Variants in TET3 observed in about 807,000 individuals in gnomAD.
TET3 encodes the protein methylcytosine dioxygenase TET3.
In TET3, 19 loss-of-function variants were observed where a neutral mutation model predicts 141.4. The observed-to-expected ratio is 0.13, with a 90% CI of 0.09 to 0.20. The LOEUF is 0.20. Ranked by LOEUF, TET3 falls within the 10% of genes least tolerant of loss-of-function variation. The pLI is 1.00. For synonymous variants in TET3, 1,043 were observed against 980.9 expected (o/e 1.06, Z -1.18); for missense variants, 1,874 against 2,356.9 (o/e 0.80, Z 4.24).
At chr2:74,045,581 G>A (rs1687571666) in intron 3 of TET3, among the ~76,000 whole-genome samples, 2 of 152,234 alleles carry the variant, frequency 1.3e-5, no homozygotes, top group Non-Finnish European at 2.9e-5. Context: ...TCTCTAAGCA[G>A]CAACTTGCTT....
intron 2 of TET3, chr2:73,993,222 G>C (rs1007392954): frequency 2.0e-5 from 3 of 152,302 alleles, no homozygotes; most frequent in African/African-American, 7.2e-5. Flanking sequence ...GTGAGAGACT[G>C]TGAGGTGATG....
At chr2:74,020,042 A>G (rs978067018) in intron 3 of TET3, among the ~76,000 whole-genome samples, 1 of 152,124 alleles carries the variant, frequency 6.6e-6, no homozygotes, top group Non-Finnish European at 1.5e-5. Flanking sequence ...GTTCACACCT[A>G]TGTGCCCAGT....
At chr2:74,086,035 G>T (rs1360355510) in intron 6 of TET3, among the ~76,000 whole-genome samples, 1 of 152,090 alleles carries the variant, frequency 6.6e-6, no homozygotes, top group African/African-American at 2.4e-5. Flanking sequence ...CCCTTCTCCC[G>T]ATTTTCTGCC....
Position 74,104,994 on chromosome 2 carries a change from A to G in TET3, c.*2818A>G, listed in dbSNP as rs1691420120. 5.0e-6 allele frequency: 2 copies of G among 396,744 alleles called. No individual in the cohort carries two copies. Among genetic ancestry groups the G allele is most frequent in the Non-Finnish European group, 8.9e-6 (2 of 225,454 alleles). The allele number at this position is 396,744 out of a possible 1,614,324, so 24.6% of individuals were successfully genotyped here. A position where few individuals can be genotyped will look rare whatever the true frequency, so the allele number is the denominator to read the frequency against. On this transcript the variant is annotated 3_prime_UTR_variant, in exon 12 of 12. Coordinates refer to ENST00000409262, the MANE Select transcript of TET3 (RefSeq NM_001287491.2). The stretch of plus-strand genomic sequence containing the variant: ...ACCTCAAATCTCAGTCATTAAAATT[A>G]GCATGCTTTAGACATATATTTAAAA...
chr2:73,990,060 T>G (rs1287753474), intron 2 of TET3, among the ~76,000 whole-genome samples: 1 of 152,136 alleles, frequency 6.6e-6, no homozygotes, highest in Non-Finnish European at 1.5e-5. Flanking sequence ...GATGAATCTT[T>G]ATGCATAAAC....
intron 5 of TET3, among the ~76,000 whole-genome samples, chr2:74,077,701 G>A (rs570718395): frequency 1.1e-4 from 17 of 152,308 alleles, no homozygotes; most frequent in African/African-American, 4.1e-4. Flanking sequence ...GAGGTTCACT[G>A]CAGGACATGT....
At position 73,986,681 on chromosome 2, in the gene TET3, A is replaced by G; in HGVS notation, c.278A>G (p.Lys93Arg). ...AAACTGCGAAAATGTGAGGTGCTGAAGAAAAAAGTAGGGCTTCTCAAGGAG... is the reference window on the plus strand; with the variant it reads ...AAACTGCGAAAATGTGAGGTGCTGAGGAAAAAAGTAGGGCTTCTCAAGGAG... ...ICKLRKCEVL[K>R]KKVGLLKEVE... Residue 93 changes from lysine (K) to arginine (R), a missense_variant, in exon 2 of 12, where the codon AAG (lysine) becomes AGG (arginine). Physicochemically the swap from Lys to Arg is conservative, Grantham distance 26. Around this residue, in one of 10 missense-constraint regions of TET3, gnomAD observed 366 missense variants for 487.0 expected, o/e 0.75. Transcript: ENST00000409262. 1 of 1,232,076 alleles carries G rather than the reference A, an allele frequency of 8.1e-7. No homozygotes were observed. The highest frequency in any genetic ancestry group is 1.0e-6 in the Non-Finnish European group (1 of 987,988). 76.3% of individuals were successfully genotyped at this position (1,232,076 alleles called of 1,614,324 possible).
At chr2:74,115,964 G>A in the TET3 span, among the ~76,000 whole-genome samples, 1 of 147,536 alleles carries the variant, frequency 6.8e-6, no homozygotes, top group African/African-American at 2.5e-5. Flanking sequence ...ACAGTGAGAT[G>A]TGATTGCACC....
chr2:74,117,373 G>A, the TET3 span, among the ~76,000 whole-genome samples: 2 of 151,408 alleles, frequency 1.3e-5, no homozygotes, highest in African/African-American at 2.4e-5. Context: ...CACCATGCCC[G>A]GCCTATTTTA....
At chr2:74,007,599 C>T (rs1685211377) in intron 3 of TET3, among the ~76,000 whole-genome samples, 1 of 152,178 alleles carries the variant, frequency 6.6e-6, no homozygotes, top group Non-Finnish European at 1.5e-5. Flanking sequence ...CAGTGAGACC[C>T]ACTGACTGAG....
chr2:74,104,215 A>G lies in TET3; in HGVS notation c.*2039A>G, dbSNP rs1337973904. 1 of 152,244 alleles carries G rather than the reference A, an allele frequency of 6.6e-6. No individual in the cohort carries two copies. The highest frequency in any genetic ancestry group is 1.5e-5 in the Non-Finnish European group (1 of 68,030). The allele number at this position is 152,244 out of a possible 1,614,324, so 9.4% of individuals were successfully genotyped here. ...GCCGAATATTTAATGTGCTTTGTCT[A>G]TCCTCCACTTTTACCATATTCTGTA... On this transcript the variant is annotated 3_prime_UTR_variant, in exon 12 of 12. Coordinates refer to ENST00000409262, the MANE Select transcript of TET3 (RefSeq NM_001287491.2).
At position 74,102,305 on chromosome 2, in the gene TET3, C is replaced by A; in HGVS notation, c.*129C>A. On this transcript the variant is annotated 3_prime_UTR_variant, in exon 12 of 12. Coordinates refer to ENST00000409262, the MANE Select transcript of TET3 (RefSeq NM_001287491.2). ...TTATCTCTATATACATATATAGATG[C>A]GCATATCATATATATGTATTTATGG... The A allele has an allele frequency of 8.3e-7, 1 of 1,209,390 alleles. No homozygotes were observed. The highest frequency in any genetic ancestry group is 1.1e-6 in the Non-Finnish European group (1 of 952,076). The allele number at this position is 1,209,390 out of a possible 1,614,324, so 74.9% of individuals were successfully genotyped here. A position where few individuals can be genotyped will look rare whatever the true frequency, so the allele number is the denominator to read the frequency against.
intron 10 of TET3, among the ~76,000 whole-genome samples, chr2:74,094,162 AC>A (rs1328639412): frequency 6.6e-6 from 1 of 152,236 alleles, no homozygotes; most frequent in African/African-American, 2.4e-5. Flanking sequence ...GGATAAAGCA[AC>A]AGGAGATGCT....
chr2:74,059,200 C>T (rs761943118), intron 4 of TET3, among the ~76,000 whole-genome samples: 1 of 152,150 alleles, frequency 6.6e-6, no homozygotes, highest in Non-Finnish European at 1.5e-5. Context: ...GGCTTTTGCT[C>T]AATGATGTGT....
chr2:74,073,797 C>G (rs1041963454), intron 5 of TET3, 158 bp downstream of exon 5: 9 of 548,388 alleles, frequency 1.6e-5, no homozygotes, highest in Non-Finnish European at 2.8e-5. Flanking sequence ...ATCCTCACTT[C>G]CATTGTTTCT....
chr2:74,063,912 A>G (rs1213509455), intron 4 of TET3, among the ~76,000 whole-genome samples: 2 of 151,370 alleles, frequency 1.3e-5, no homozygotes, highest in Non-Finnish European at 1.5e-5. Flanking sequence ...AAAAAAAATA[A>G]GTAAAATAGA....
intron 3 of TET3, among the ~76,000 whole-genome samples, chr2:74,021,668 C>T (rs1686051850): frequency 6.6e-6 from 1 of 152,210 alleles, no homozygotes; most frequent in Non-Finnish European, 1.5e-5. Flanking sequence ...CTTCCATGGT[C>T]AGGCAGCGTT....
At position 74,102,220 on chromosome 2, in the gene TET3, CTG is replaced by C; in HGVS notation, c.*46_*47del. On this transcript the variant is annotated 3_prime_UTR_variant, in exon 12 of 12. Coordinates refer to ENST00000409262, the MANE Select transcript of TET3 (RefSeq NM_001287491.2). ...ACCTCAGCGTCGGGCCTGGCCCGAGCTGTCTCTGTGGTGCTTTTGCCCTCATA... is the reference window on the plus strand; with the variant it reads ...ACCTCAGCGTCGGGCCTGGCCCGAGCTCTCTGTGGTGCTTTTGCCCTCATA... 7.1e-7 allele frequency: 1 copy of C among 1,409,492 alleles called. No individual in the cohort carries two copies. Among genetic ancestry groups the C allele is most frequent in the African/African-American group, 1.4e-5 (1 of 69,270 alleles). 87.3% of individuals were successfully genotyped at this position (1,409,492 alleles called of 1,614,324 possible).
intron 3 of TET3, among the ~76,000 whole-genome samples, chr2:74,032,551 C>G (rs1686809829): frequency 7.4e-6 from 1 of 134,276 alleles, no homozygotes; most frequent in South Asian, 2.2e-4. Context: ...GAGGAGCTGC[C>G]TCCGCGTCAT....
Sources: allele counts gnomAD v4.1 joint callset (sites outside exome capture counted in the v4.1 genomes callset), GRCh38; gene constraint gnomAD v4.1.1; regional missense constraint gnomAD v4.1.1; transcripts MANE v1.5; gene names NCBI Gene and HGNC (gene_info 2026-07-23, HGNC 2026-07-21).